The following ANKRD36 variants were observed in gnomAD, a reference collection of about 807,000 sequenced individuals.
The protein encoded by ANKRD36 is ankyrin repeat domain-containing protein 36A.
In ANKRD36, 179 loss-of-function variants were observed where a neutral mutation model predicts 278.1. The ratio of observed to expected loss-of-function variants is 0.64; its 90% CI spans 0.57 to 0.73. The LOEUF is 0.73. ANKRD36 is among the 30% of genes least tolerant of loss of function. The pLI, the probability that ANKRD36 is intolerant of heterozygous loss-of-function variation, is 0.00. For synonymous variants in ANKRD36, 320 were observed against 641.1 expected (o/e 0.50, Z 7.57); for missense variants, 1,159 against 1,956.7 (o/e 0.59, Z 7.69).
At chr2:97,166,350 T>A (rs1303317921) in intron 20 of ANKRD36, among the ~76,000 whole-genome samples, 5 of 148,178 alleles carry the variant, frequency 3.4e-5, no homozygotes, top group African/African-American at 1.2e-4. Context: ...GGGCTGCTGT[T>A]GTGAAGAAGG....
intron 15 of ANKRD36, among the ~76,000 whole-genome samples, chr2:97,155,721 A>C (rs962106423): frequency 6.8e-6 from 1 of 146,536 alleles, no homozygotes; most frequent in African/African-American, 2.4e-5. Context: ...TTCAAATTTC[A>C]GAGGCTTTTG....
intron 58 of ANKRD36, among the ~76,000 whole-genome samples, chr2:97,212,557 A>G: frequency 6.6e-6 from 1 of 151,948 alleles, no homozygotes; most frequent in Non-Finnish European, 1.5e-5. Context: ...GAATAGCATG[A>G]TACTCCAAAG....
At chr2:97,181,471 G>A in intron 24 of ANKRD36, 127 bp from the exon 25 acceptor site, 2 of 1,245,116 alleles carry the variant, frequency 1.6e-6, no homozygotes, top group Non-Finnish European at 2.2e-6. Flanking sequence ...CAGACAAAAA[G>A]TAGAAAACAT....
At chr2:97,216,042 T>G (rs2065849127) in intron 62 of ANKRD36, among the ~76,000 whole-genome samples, 1 of 151,784 alleles carries the variant, frequency 6.6e-6, no homozygotes, top group South Asian at 2.1e-4. Flanking sequence ...TGAACTCACT[T>G]CAGATAAATT....
intron 6 of ANKRD36, among the ~76,000 whole-genome samples, chr2:97,128,656 T>A (rs571054457): frequency 7.2e-5 from 11 of 152,082 alleles, no homozygotes; most frequent in African/African-American, 2.2e-4. Context: ...TGGTCTTGAC[T>A]TCTGAGTACA....
Position 97,245,856 on chromosome 2 carries a change from CA to C in ANKRD36, c.5193del (p.Gln1731HisfsTer43). The C allele has an allele frequency of 2.1e-6, 1 of 471,332 alleles. No homozygotes were observed. Among genetic ancestry groups the C allele is most frequent in the Non-Finnish European group, 3.4e-6 (1 of 294,274 alleles). The allele number at this position is 471,332 out of a possible 1,614,324, so 29.2% of individuals were successfully genotyped here. On this transcript the variant is annotated frameshift_variant, in exon 71 of 76. Transcript: ENST00000420699. LOFTEE classifies it high-confidence loss of function. ...CQLKKQNMLLQQQLDDARNKA... is the reference protein window; with the variant it reads ...CQLKKQNMLLXQQLDDARNKA... ...ACTAAAAAAACAAAATATGTTGCTT[CA>C]ACAGCAACTGGATGATGCTCGCAAC...
At chr2:97,159,203 G>T (rs1392380510) in intron 17 of ANKRD36, among the ~76,000 whole-genome samples, 1 of 151,960 alleles carries the variant, frequency 6.6e-6, no homozygotes, top group African/African-American at 2.4e-5. Context: ...AGATTCTTCT[G>T]AGTGACTTAC....
At chr2:97,172,148 A>G (rs549415401) in intron 22 of ANKRD36, among the ~76,000 whole-genome samples, 1 of 151,934 alleles carries the variant, frequency 6.6e-6, no homozygotes, top group African/African-American at 2.4e-5. Flanking sequence ...AATCACCCAA[A>G]TGCACATTAA....
chr2:97,192,961 T>G lies in ANKRD36; in HGVS notation c.2377-20T>G. 6.3e-7 allele frequency: 1 copy of G among 1,584,896 alleles called. No homozygotes were observed. The highest frequency in any genetic ancestry group is 8.6e-7 in the Non-Finnish European group (1 of 1,165,822). On this transcript the variant is annotated intron_variant, in intron 37 of 75. Transcript: ENST00000420699. ...AAACATACTTTATTAATTTATTATT[T>G]CATTTGAAATTCCATTCAGGCTACA...
intron 28 of ANKRD36, among the ~76,000 whole-genome samples, chr2:97,184,285 A>T (rs1361607519): frequency 6.6e-6 from 1 of 151,778 alleles, no homozygotes; most frequent in African/African-American, 2.4e-5. Flanking sequence ...GGAGTGCTAG[A>T]GTTGGGATAA....
At chr2:97,210,890 T>A (rs1409644845) in intron 56 of ANKRD36, among the ~76,000 whole-genome samples, 3 of 151,862 alleles carry the variant, frequency 2.0e-5, no homozygotes, top group African/African-American at 7.2e-5. Flanking sequence ...TTTGGTGCCA[T>A]GAGTGGATGA....
intron 15 of ANKRD36, among the ~76,000 whole-genome samples, chr2:97,157,774 A>G (rs1386848939): frequency 1.3e-5 from 2 of 150,910 alleles, no homozygotes; most frequent in Non-Finnish European, 2.9e-5. Flanking sequence ...ACTTTTTATT[A>G]TTAGTTTTGT....
At chr2:97,186,592 G>T (rs890647480) in intron 30 of ANKRD36, among the ~76,000 whole-genome samples, 2 of 151,408 alleles carry the variant, frequency 1.3e-5, no homozygotes, top group Non-Finnish European at 2.9e-5. Flanking sequence ...GGAAACTTAG[G>T]CAAATTGTTG....
In ANKRD36 at chr2:97,113,755, C is replaced by G. The variant is rs1352000026; in HGVS notation, c.16C>G (p.Arg6Gly). The change falls in exon 1 of 76, where the codon CGG (arginine) becomes GGG (glycine). Residue 6 changes from arginine (R) to glycine (G), a missense_variant. Physicochemically the swap from Arg to Gly is moderately radical, Grantham distance 125. Coordinates refer to ENST00000420699, the MANE Select transcript of ANKRD36 (RefSeq NM_001354587.1). MEDGK[R>G]ERWPTLMERL... ...GCCGACGATTATGGAAGACGGCAAGCGGGAGAGGTGGCCCACCCTCATGGA... is the reference window on the plus strand; with the variant it reads ...GCCGACGATTATGGAAGACGGCAAGGGGGAGAGGTGGCCCACCCTCATGGA... 1 of 1,612,528 alleles carries G rather than the reference C, an allele frequency of 6.2e-7. No individual in the cohort carries two copies. Among genetic ancestry groups the G allele is most frequent in the Admixed American group, 1.7e-5 (1 of 59,864 alleles).
chr2:97,208,766 C>G (rs1245995174), intron 54 of ANKRD36, among the ~76,000 whole-genome samples: 17 of 146,416 alleles, frequency 1.2e-4, no homozygotes, highest in Admixed American at 1.4e-4. Flanking sequence ...AAGGAGCTAC[C>G]TCGTGGATAA....
At chr2:97,233,051 C>A (rs1296463197) in intron 67 of ANKRD36, among the ~76,000 whole-genome samples, 1 of 151,430 alleles carries the variant, frequency 6.6e-6, no homozygotes, top group African/African-American at 2.4e-5. Context: ...TTGTTACAAA[C>A]AGTACAAAAC....
chr2:97,176,617 C>T (rs2054334201), intron 22 of ANKRD36, among the ~76,000 whole-genome samples: 1 of 148,780 alleles, frequency 6.7e-6, no homozygotes, highest in African/African-American at 2.4e-5. Flanking sequence ...AGCATTTAGT[C>T]CATTTACATT....
chr2:97,128,043 CA>C (rs1166365336), intron 6 of ANKRD36, among the ~76,000 whole-genome samples: 3 of 151,862 alleles, frequency 2.0e-5, no homozygotes, highest in Non-Finnish European at 4.4e-5. Context: ...AATCTTGGAT[CA>C]TTCATAGGTT....
chr2:97,161,328 C>A (rs1207300352), intron 17 of ANKRD36, among the ~76,000 whole-genome samples: 1 of 152,286 alleles, frequency 6.6e-6, no homozygotes, highest in African/African-American at 2.4e-5. Flanking sequence ...AACTGCACTC[C>A]AGGTTTCCCT....
Sources: gnomAD v4.1 joint callset for allele counts (sites outside exome capture counted in the v4.1 genomes callset) on GRCh38, gnomAD v4.1.1 for gene constraint, MANE v1.5 for transcripts, NCBI Gene and HGNC (gene_info 2026-07-23, HGNC 2026-07-21) for gene names.